OPCML: variants seen among roughly 807,000 people sequenced by gnomAD.
OPCML encodes opioid-binding protein/cell adhesion molecule.
In OPCML, 13 loss-of-function variants were observed where a neutral mutation model predicts 37.8. The ratio of observed to expected loss-of-function variants is 0.34; its 90% CI spans 0.22 to 0.55. The LOEUF (loss-of-function observed/expected upper bound fraction) is 0.55, where lower values mean the gene tolerates loss of function less well. Ranked by LOEUF, OPCML falls within the 20% of genes least tolerant of loss-of-function variation. The pLI, the probability that OPCML is intolerant of heterozygous loss-of-function variation, is 0.91. For missense variants in OPCML, 341 were observed against 435.6 expected (o/e 0.78, Z 1.93); for synonymous variants, 176 against 168.8 (o/e 1.04, Z -0.33).
intron 2 of OPCML, among the ~76,000 whole-genome samples, chr11:132,741,383 T>G (rs559543488): frequency 1.3e-5 from 2 of 152,262 alleles, no homozygotes; most frequent in African/African-American, 4.8e-5. Flanking sequence ...TTTTGACACT[T>G]TAGGATATTA....
At position 132,954,131 on chromosome 11, in the gene OPCML, G is replaced by GTTTGT. The variant is rs1486197685; in HGVS notation, c.62-11126_62-11122dup. ...TCAAACATTCTTTCTTGGGTTTTTT[G>GTTTGT]TTTGTTTTTTTGTTTGTTTTGTTTT... On this transcript the variant is annotated intron_variant, in intron 1 of 7. Transcript: ENST00000524381. 4.3e-3 allele frequency among the ~76,000 whole-genome samples: 650 copies of GTTTGT among 151,572 alleles called. 5 individuals carry two copies. Among genetic ancestry groups the GTTTGT allele is most frequent in the African/African-American group, 0.015 (615 of 41,218 alleles).
intron 1 of OPCML, among the ~76,000 whole-genome samples, chr11:133,075,927 A>G (rs1172241210): frequency 6.6e-6 from 1 of 152,162 alleles, no homozygotes; most frequent in Non-Finnish European, 1.5e-5. Flanking sequence ...CAGTTATTTG[A>G]ATGATAAACC....
chr11:132,758,709 A>T (rs115793422), intron 2 of OPCML, among the ~76,000 whole-genome samples: 1 of 152,208 alleles, frequency 6.6e-6, no homozygotes, highest in South Asian at 2.1e-4. Context: ...GGCTTAAACA[A>T]TGGTGTTTTC....
In OPCML at chr11:133,211,340, T is replaced by C. The variant is rs1348887237; in HGVS notation, c.62-268330A>G. Among the ~76,000 whole-genome samples, 2 of 152,204 alleles carry C rather than the reference T, an allele frequency of 1.3e-5. No homozygotes were observed. Among genetic ancestry groups the C allele is most frequent in the Non-Finnish European group, 2.9e-5 (2 of 68,040 alleles). On this transcript the variant is annotated intron_variant, in intron 1 of 7. Transcript: ENST00000524381. The surrounding 1 kb of genome is among the most constrained non-coding windows in gnomAD (Gnocchi z 4.1). ...TCTTTAAGCATAATAGTCTATTGAT[T>C]ACCTCAGTTATTGAACCCTGGGAAG...
At chr11:132,804,421 T>C (rs1377494493) in intron 2 of OPCML, among the ~76,000 whole-genome samples, 1 of 152,192 alleles carries the variant, frequency 6.6e-6, no homozygotes, top group Admixed American at 6.5e-5. Context: ...GGGAGGCCCC[T>C]GCAAGTCTGT....
intron 1 of OPCML, among the ~76,000 whole-genome samples, chr11:133,220,897 G>A (rs1307921831): frequency 1.3e-5 from 2 of 152,148 alleles, no homozygotes; most frequent in South Asian, 4.1e-4. Flanking sequence ...CTTAGCCATG[G>A]AAGATCCCCA....
intron 1 of OPCML, among the ~76,000 whole-genome samples, chr11:133,079,387 C>T (rs1157048772): frequency 6.6e-6 from 1 of 152,120 alleles, no homozygotes; most frequent in Non-Finnish European, 1.5e-5. Flanking sequence ...TTTTGATGGG[C>T]AGCTGGAGTA....
intron 1 of OPCML, among the ~76,000 whole-genome samples, chr11:133,161,138 T>C (rs1950136374): frequency 6.6e-6 from 1 of 152,234 alleles, no homozygotes; most frequent in Admixed American, 6.5e-5. Context: ...GGGCACACCT[T>C]TGACTGTGTT....
At chr11:133,004,503 C>T (rs1005225895) in intron 1 of OPCML, 1 of 985,442 alleles carries the variant, frequency 1.0e-6, no homozygotes, top group Non-Finnish European at 1.2e-6. Context: ...AAGATGCCCT[C>T]TGCAGACGAC....
chr11:132,762,866 A>T (rs754376285), intron 2 of OPCML, among the ~76,000 whole-genome samples: 1 of 152,082 alleles, frequency 6.6e-6, no homozygotes, highest in Non-Finnish European at 1.5e-5. Context: ...AGGTACAAAA[A>T]AATACACCTG....
chr11:132,830,548 C>T (rs1045581351), intron 2 of OPCML, among the ~76,000 whole-genome samples: 3 of 152,194 alleles, frequency 2.0e-5, no homozygotes, highest in South Asian at 2.1e-4. Context: ...TATCATCAAC[C>T]TCTTTCTACT....
chr11:133,093,566 G>C (rs565128395), intron 1 of OPCML, among the ~76,000 whole-genome samples: 1 of 152,104 alleles, frequency 6.6e-6, no homozygotes, highest in Admixed American at 6.5e-5. Context: ...TATGAAATTG[G>C]TATTACTCTC....
chr11:132,435,029 T>G (rs189888128), intron 7 of OPCML: 18 of 459,468 alleles, frequency 3.9e-5, no homozygotes, highest in African/African-American at 3.4e-4. Flanking sequence ...ACCAAGCCCC[T>G]TGAGGTCTAT....
At chr11:133,463,968 T>TC (rs142441159) in intron 1 of OPCML, among the ~76,000 whole-genome samples, 9,037 of 152,124 alleles carry the variant, frequency 0.059, 842 homozygotes, top group African/African-American at 0.2. Context: ...TTCTATTAAT[T>TC]CTTTTTTTCC....
chr11:133,275,759 T>C (rs1411409316), intron 1 of OPCML, among the ~76,000 whole-genome samples: 1 of 152,182 alleles, frequency 6.6e-6, no homozygotes, highest in Non-Finnish European at 1.5e-5. Context: ...GCCTGGCACA[T>C]GGATATTCAA....
intron 1 of OPCML, among the ~76,000 whole-genome samples, chr11:133,111,694 T>G (rs962011671): frequency 6.6e-6 from 1 of 152,216 alleles, no homozygotes; most frequent in East Asian, 1.9e-4. Flanking sequence ...TTTCCTTTCC[T>G]AAGCAGACTG....
intron 3 of OPCML, among the ~76,000 whole-genome samples, chr11:132,608,930 C>T (rs1261380121): frequency 6.6e-6 from 1 of 152,098 alleles, no homozygotes; most frequent in Non-Finnish European, 1.5e-5. Flanking sequence ...ATTTTTCTTT[C>T]TTTTCATTGC....
At chr11:132,759,686 C>A (rs534665562) in intron 2 of OPCML, among the ~76,000 whole-genome samples, 1 of 152,048 alleles carries the variant, frequency 6.6e-6, no homozygotes, top group African/African-American at 2.4e-5. Flanking sequence ...ATTCTTCTCT[C>A]TTTTCTTCCT....
At chr11:132,963,918 A>G (rs1946153204) in intron 1 of OPCML, among the ~76,000 whole-genome samples, 2 of 152,126 alleles carry the variant, frequency 1.3e-5, no homozygotes, top group Non-Finnish European at 2.9e-5. Context: ...TTCTGTAGTT[A>G]CACACTTGGA....
Sources: allele counts gnomAD v4.1 joint callset (sites outside exome capture counted in the v4.1 genomes callset), GRCh38; gene constraint gnomAD v4.1.1; non-coding constraint Gnocchi (gnomAD v3.1); transcripts MANE v1.5; gene names NCBI Gene and HGNC (gene_info 2026-07-23, HGNC 2026-07-21).